The following CSMD1 variants were observed in gnomAD, a reference collection of about 807,000 sequenced individuals.
CSMD1 encodes CUB and Sushi multiple domains 1, also known as CUB and sushi domain-containing protein 1.
A neutral mutation model predicts 417.5 loss-of-function variants in CSMD1; 213 were observed. The ratio of observed to expected loss-of-function variants is 0.51; its 90% CI spans 0.46 to 0.57. CSMD1 has a LOEUF of 0.57. CSMD1 is among the 20% of genes least tolerant of loss of function. CSMD1 has a pLI of 0.00. For synonymous variants in CSMD1, 2,862 were observed against 1,736.8 expected (o/e 1.65, Z -16.11); for missense variants, 6,923 against 4,529.7 (o/e 1.53, Z -15.17).
At chr8:4,342,121 C>G (rs1396747409) in intron 3 of CSMD1, among the ~76,000 whole-genome samples, 1 of 152,066 alleles carries the variant, frequency 6.6e-6, no homozygotes, top group Non-Finnish European at 1.5e-5. Flanking sequence ...TCCACAATCT[C>G]TAACAAGACA....
chr8:4,052,137 G>T (rs2554543), intron 3 of CSMD1, among the ~76,000 whole-genome samples: 131,490 of 151,874 alleles, frequency 0.87, 57,039 homozygotes, highest in South Asian at 0.94. Flanking sequence ...GTTGGTCAGG[G>T]TGGTCTCGAA....
rs184630985 is a variant in CSMD1, at chr8:4,769,091, C to A, written c.86-131533G>T. Among the ~76,000 whole-genome samples the A allele has an allele frequency of 1.4e-3, 209 of 152,290 alleles. 2 individuals carry two copies. The highest frequency in any genetic ancestry group is 2.6e-3 in the Non-Finnish European group (176 of 68,024). The stretch of plus-strand genomic sequence containing the variant: ...CAAACAGTTAACAGCTTGGGGCTTG[C>A]AGATGGACAGATCTGGTTCAAAATC... On this transcript the variant is annotated intron_variant, in intron 1 of 69. Coordinates refer to ENST00000635120, the MANE Select transcript of CSMD1 (RefSeq NM_033225.6).
chr8:3,804,452 T>A (rs953705312), intron 5 of CSMD1, among the ~76,000 whole-genome samples: 1 of 152,172 alleles, frequency 6.6e-6, no homozygotes, highest in Non-Finnish European at 1.5e-5. Context: ...TAAATTGACA[T>A]GACTTACTAT....
At chr8:4,793,910 A>C (rs993208580) in intron 1 of CSMD1, among the ~76,000 whole-genome samples, 3 of 152,280 alleles carry the variant, frequency 2.0e-5, no homozygotes, top group Non-Finnish European at 4.4e-5. Context: ...CTGATGAATA[A>C]AAATGTGATG....
At chr8:3,991,627 G>C (rs547158421) in intron 5 of CSMD1, among the ~76,000 whole-genome samples, 1 of 152,202 alleles carries the variant, frequency 6.6e-6, no homozygotes, top group Non-Finnish European at 1.5e-5. Context: ...CTACAAATTA[G>C]AAGTGGAGGG....
intron 1 of CSMD1, among the ~76,000 whole-genome samples, chr8:4,733,427 T>C (rs564398849): frequency 1.2e-4 from 18 of 152,174 alleles, no homozygotes; most frequent in South Asian, 4.2e-4. Context: ...GAAACAGACA[T>C]AGAGGGAAGG....
At chr8:3,994,301 A>G (rs1365221089) in intron 5 of CSMD1, among the ~76,000 whole-genome samples, 2 of 152,114 alleles carry the variant, frequency 1.3e-5, no homozygotes, top group Non-Finnish European at 2.9e-5. Flanking sequence ...CAGTGTTCCC[A>G]GCCAAGACTA....
chr8:3,914,640 G>A (rs1808690825), intron 5 of CSMD1, among the ~76,000 whole-genome samples: 1 of 152,104 alleles, frequency 6.6e-6, no homozygotes, highest in Admixed American at 6.5e-5. Flanking sequence ...CTGTCTCTCA[G>A]ATCTCCACCT....
At chr8:3,378,957 G>C (rs562048790) in intron 18 of CSMD1, among the ~76,000 whole-genome samples, 6 of 152,278 alleles carry the variant, frequency 3.9e-5, no homozygotes, top group Admixed American at 6.5e-5. Context: ...AAGTCAAATT[G>C]TCTCTGTTTG....
At chr8:3,995,670 T>G (rs1815156884) in intron 5 of CSMD1, among the ~76,000 whole-genome samples, 1 of 152,304 alleles carries the variant, frequency 6.6e-6, no homozygotes, top group East Asian at 1.9e-4. Context: ...AAATCTACAA[T>G]AATAAAGAGA....
In CSMD1 at chr8:4,141,088, C is replaced by A. The variant is rs1024708182; in HGVS notation, c.416-108989G>T. 8.6e-5 allele frequency among the ~76,000 whole-genome samples: 13 copies of A among 151,280 alleles called. 1 individual carries two copies. Among genetic ancestry groups the A allele is most frequent in the Middle Eastern group, 3.4e-3 (1 of 294 alleles). On this transcript the variant is annotated intron_variant, in intron 3 of 69. Coordinates refer to ENST00000635120, the MANE Select transcript of CSMD1 (RefSeq NM_033225.6). ...AAATATCCCCCAAATCTACAAACTT[C>A]CCATTTTCAGATCTCATAGGTCTCA...
At chr8:3,723,542 C>G (rs1314190693) in intron 6 of CSMD1, among the ~76,000 whole-genome samples, 1 of 152,150 alleles carries the variant, frequency 6.6e-6, no homozygotes, top group Non-Finnish European at 1.5e-5. Flanking sequence ...TAAAAATGAA[C>G]AGTCAGCTAT....
chr8:4,036,574 A>G (rs1372664560), intron 3 of CSMD1, among the ~76,000 whole-genome samples: 1 of 152,242 alleles, frequency 6.6e-6, no homozygotes, highest in Non-Finnish European at 1.5e-5. Flanking sequence ...TCATCAATTT[A>G]GGAAAGGTAT....
intron 2 of CSMD1, among the ~76,000 whole-genome samples, chr8:4,487,109 G>T (rs1801453171): frequency 6.6e-6 from 1 of 152,104 alleles, no homozygotes; most frequent in Non-Finnish European, 1.5e-5. Flanking sequence ...CCTCAAGGAA[G>T]AATACCAGAT....
chr8:4,506,887 G>C (rs974265838), intron 2 of CSMD1, among the ~76,000 whole-genome samples: 2 of 152,076 alleles, frequency 1.3e-5, no homozygotes, highest in South Asian at 4.1e-4. Flanking sequence ...TAAATAATTA[G>C]GGAGCATTTA....
chr8:4,462,668 C>T (rs1169963651), intron 2 of CSMD1, among the ~76,000 whole-genome samples: 1 of 152,130 alleles, frequency 6.6e-6, no homozygotes, highest in Non-Finnish European at 1.5e-5. Context: ...ATTCACGTTC[C>T]AGAGATAAAA....
intron 2 of CSMD1, among the ~76,000 whole-genome samples, chr8:4,551,450 T>G (rs1387210180): frequency 2.0e-5 from 3 of 152,170 alleles, no homozygotes; most frequent in Non-Finnish European, 4.4e-5. Flanking sequence ...CCTCTCATTC[T>G]TCACGAAGGA....
At chr8:4,465,948 C>T (rs182727316) in intron 2 of CSMD1, among the ~76,000 whole-genome samples, 1 of 152,302 alleles carries the variant, frequency 6.6e-6, no homozygotes. Context: ...AAATTATGTG[C>T]TTCCAATACC....
intron 1 of CSMD1, among the ~76,000 whole-genome samples, chr8:4,776,578 C>T (rs1227848100): frequency 6.6e-6 from 1 of 152,100 alleles, no homozygotes; most frequent in African/African-American, 2.4e-5. Flanking sequence ...TTCTCCACTT[C>T]TGCATAAACG....
Sources: gnomAD v4.1 joint callset for allele counts (sites outside exome capture counted in the v4.1 genomes callset) on GRCh38, gnomAD v4.1.1 for gene constraint, MANE v1.5 for transcripts, NCBI Gene and HGNC (gene_info 2026-07-23, HGNC 2026-07-21) for gene names.